The following MOK variants were observed in gnomAD, a reference collection of about 807,000 sequenced individuals.
The protein encoded by MOK is MOK protein kinase.
In MOK, 59 loss-of-function variants were observed where a neutral mutation model predicts 54.2. That is an observed-to-expected ratio of 1.09 (90% CI 0.88 to 1.35). The LOEUF (loss-of-function observed/expected upper bound fraction) is 1.35, where lower values mean the gene tolerates loss of function less well. Among genes scored for constraint, MOK ranks in the 40% most tolerant of loss-of-function variants. The pLI is 0.00. For synonymous variants in MOK, 210 were observed against 202.7 expected (o/e 1.04, Z -0.31); for missense variants, 517 against 526.2 (o/e 0.98, Z 0.17).
At chr14:102,251,633 T>C (rs546349229) in intron 6 of MOK, 123 bp downstream of exon 6, 9 of 797,424 alleles carry the variant, frequency 1.1e-5, no homozygotes, top group Non-Finnish European at 1.9e-5. Flanking sequence ...AAAATTACTG[T>C]AACAAACAGG....
rs1280780306 is a variant in MOK at position 102,250,932 on chromosome 14, G to A, written c.470C>T (p.Pro157Leu). ...GSCRSVYSKQ[P>L]YTEYISTRWY... Reference sequence around the variant, plus strand: ...GCGGGTGGAGATGTATTCCGTGTACGGCTGCTTGGAATAGACACTCCGGCA... The same window carrying A: ...GCGGGTGGAGATGTATTCCGTGTACAGCTGCTTGGAATAGACACTCCGGCA... Residue 157 changes from proline to leucine, a missense_variant, in exon 7 of 12, where the codon CCG (proline) becomes CTG (leucine). By Grantham distance (98) the Pro-to-Leu change is moderately conservative. Coordinates refer to ENST00000361847, the MANE Select transcript of MOK (RefSeq NM_014226.3). 1.6e-5 allele frequency: 26 copies of A among 1,613,970 alleles called. No homozygotes were observed. Among genetic ancestry groups the A allele is most frequent in the East Asian group, 4.5e-5 (2 of 44,858 alleles).
chr14:102,242,741 T>C (rs2065814528), intron 7 of MOK, among the ~76,000 whole-genome samples: 1 of 152,196 alleles, frequency 6.6e-6, no homozygotes, highest in Non-Finnish European at 1.5e-5. Context: ...TACAAGTTAG[T>C]TCAGGATCTG....
intron 7 of MOK, among the ~76,000 whole-genome samples, chr14:102,239,655 G>C (rs2065541389): frequency 6.6e-6 from 1 of 152,156 alleles, no homozygotes; most frequent in Admixed American, 6.5e-5. Context: ...TGAATCACAA[G>C]GTCAAGAGAT....
chr14:102,282,900 T>A (rs942214630), intron 2 of MOK, among the ~76,000 whole-genome samples: 4 of 151,512 alleles, frequency 2.6e-5, no homozygotes, highest in African/African-American at 4.9e-5. Flanking sequence ...TTAAAAAAAA[T>A]AATAATTAGC....
chr14:102,224,662 C>G (rs1225014686), downstream of MOK: 1 of 456,048 alleles, frequency 2.2e-6, no homozygotes, highest in African/African-American at 2.0e-5. Context: ...CGGAAAACTT[C>G]ACATCAGCTC....
intron 7 of MOK, among the ~76,000 whole-genome samples, chr14:102,246,774 A>G (rs767810324): frequency 4.1e-4 from 62 of 152,148 alleles, no homozygotes; most frequent in Non-Finnish European, 8.7e-4. Context: ...ATGAATGCCT[A>G]TTAGTAGGAA....
rs1251900524 is a variant in MOK at position 102,235,710 on chromosome 14, T to C, written c.591-1921A>G. On this transcript the variant is annotated intron_variant, in intron 7 of 11. Transcript: ENST00000361847. This position sits in a 1 kb window ranked among gnomAD's most constrained non-coding sequence, Gnocchi z 4.4. ...CAGAGACTCTCCAAAAATACACGCG[T>C]GTCGATCCCGCCTCCCGGGAAGGAA... 13 of 152,166 alleles carry C rather than the reference T, an allele frequency of 8.5e-5. No homozygotes were observed. The highest frequency in any genetic ancestry group is 1.8e-4 in the Non-Finnish European group (12 of 68,028). The allele number at this position is 152,166 out of a possible 1,614,324, so 9.4% of individuals were successfully genotyped here. A position where few individuals can be genotyped will look rare whatever the true frequency, so the allele number is the denominator to read the frequency against.
intron 8 of MOK, chr14:102,233,396 C>T (rs1485996671): frequency 2.9e-6 from 1 of 348,650 alleles, no homozygotes; most frequent in Non-Finnish European, 5.4e-6. Flanking sequence ...CACCCAAAGG[C>T]TTCTAAGTCC....
chr14:102,296,091 C>CA (rs1265017616), intron 1 of MOK, among the ~76,000 whole-genome samples: 3 of 151,956 alleles, frequency 2.0e-5, no homozygotes, highest in African/African-American at 7.2e-5. Flanking sequence ...ACTAAAAATA[C>CA]AAAAATTAGC....
intron 1 of MOK, among the ~76,000 whole-genome samples, chr14:102,304,330 A>G (rs1282495484): frequency 6.6e-6 from 1 of 152,210 alleles, no homozygotes; most frequent in Non-Finnish European, 1.5e-5. Context: ...ATAATCCACA[A>G]ATCCCACTAA....
rs1340803236 is a variant in MOK, at chr14:102,235,893, A to T, written c.591-2104T>A. On this transcript the variant is annotated intron_variant, in intron 7 of 11. Coordinates refer to ENST00000361847, the MANE Select transcript of MOK (RefSeq NM_014226.3). The surrounding 1 kb of genome is among the most constrained non-coding windows in gnomAD (Gnocchi z 4.4). ...GGGATGAGCAAAATAAATTAGATAAAGCCCAAAGAGATCGTGCTAAATACC... is the reference window on the plus strand; with the variant it reads ...GGGATGAGCAAAATAAATTAGATAATGCCCAAAGAGATCGTGCTAAATACC... 1.3e-5 allele frequency among the ~76,000 whole-genome samples: 2 copies of T among 150,474 alleles called. No individual in the cohort carries two copies. Among genetic ancestry groups the T allele is most frequent in the Non-Finnish European group, 2.9e-5 (2 of 68,026 alleles).
Position 102,232,362 on chromosome 14 carries a change from C to G in MOK, c.866+173G>C. ...CATCCTCATTTTGGGGAGGATACAC[C>G]AGAAGGCAGCACGGTGTGGGCCCCA... is the stretch of plus-strand genomic sequence containing the variant. On this transcript the variant is annotated intron_variant, in intron 9 of 11. Transcript: ENST00000361847. This position sits in a 1 kb window ranked among gnomAD's most constrained non-coding sequence, Gnocchi z 5.1. 1 of 638,640 alleles carries G rather than the reference C, an allele frequency of 1.6e-6. No homozygotes were observed. The highest frequency in any genetic ancestry group is 2.9e-5 in the East Asian group (1 of 34,626). The allele number at this position is 638,640 out of a possible 1,614,324, so 39.6% of individuals were successfully genotyped here.
At chr14:102,217,503 G>A in the MOK span, among the ~76,000 whole-genome samples, 588 of 152,292 alleles carry the variant, frequency 3.9e-3, 16 homozygotes, top group Admixed American at 0.033. Flanking sequence ...CAGTGGACAG[G>A]TTAAAGCTGG....
Position 102,251,008 on chromosome 14 carries a change from C to G in MOK, c.412-18G>C, listed in dbSNP as rs375300889. ...ACATCCTGCTGGAAGGGGAAAGAAGCAAGGACAAGTAACATCCCATTATGT... is the reference window on the plus strand; with the variant it reads ...ACATCCTGCTGGAAGGGGAAAGAAGGAAGGACAAGTAACATCCCATTATGT... On this transcript the variant is annotated intron_variant, in intron 6 of 11. Coordinates refer to ENST00000361847, the MANE Select transcript of MOK (RefSeq NM_014226.3). 4.5e-5 allele frequency: 73 copies of G among 1,612,466 alleles called. No individual in the cohort carries two copies. Among genetic ancestry groups the G allele is most frequent in the Non-Finnish European group, 5.9e-5 (69 of 1,179,306 alleles).
At chr14:102,263,299 T>TC (rs887995300) in intron 4 of MOK, among the ~76,000 whole-genome samples, 25 of 151,996 alleles carry the variant, frequency 1.6e-4, no homozygotes, top group Admixed American at 1.3e-4. Context: ...CCCTGCTGCC[T>TC]CCCGCCACTC....
chr14:102,218,910 G>A, the MOK span, among the ~76,000 whole-genome samples: 31 of 152,340 alleles, frequency 2.0e-4, no homozygotes, highest in South Asian at 5.6e-3. Context: ...AAGCGTGGGC[G>A]GGCTCCCCTT....
Position 102,234,258 on chromosome 14 carries a change from C to T in MOK, c.591-469G>A, listed in dbSNP as rs115673709. The T allele has an allele frequency of 6.9e-3, 1,106 of 161,350 alleles. 14 individuals carry two copies. Among genetic ancestry groups the T allele is most frequent in the African/African-American group, 0.025 (1,040 of 41,568 alleles). 10.0% of individuals were successfully genotyped at this position (161,350 alleles called of 1,614,324 possible). A position where few individuals can be genotyped will look rare whatever the true frequency, so the allele number is the denominator to read the frequency against. On this transcript the variant is annotated intron_variant, in intron 7 of 11. Coordinates refer to ENST00000361847, the MANE Select transcript of MOK (RefSeq NM_014226.3). ...TCTCTCTCTCTCTTTTTCTCTCTCT[C>T]TCCCTCCCTCCCCTATCACCCCTCT...
intron 1 of MOK, among the ~76,000 whole-genome samples, chr14:102,302,465 C>T (rs2072337220): frequency 6.6e-6 from 1 of 151,166 alleles, no homozygotes; most frequent in Admixed American, 6.6e-5. Context: ...GCCCAGGCTG[C>T]AGTACAGTGG....
intron 1 of MOK, among the ~76,000 whole-genome samples, chr14:102,288,009 T>C (rs1016969297): frequency 6.6e-6 from 1 of 150,950 alleles, no homozygotes; most frequent in African/African-American, 2.5e-5. Context: ...TAATTTTTTG[T>C]ATTTTTAGTA....
Sources: allele counts gnomAD v4.1 joint callset (sites outside exome capture counted in the v4.1 genomes callset), GRCh38; gene constraint gnomAD v4.1.1; non-coding constraint Gnocchi (gnomAD v3.1); transcripts MANE v1.5; gene names NCBI Gene and HGNC (gene_info 2026-07-23, HGNC 2026-07-21).